Variants in PDPK1 observed in about 807,000 individuals in gnomAD.
PDPK1 encodes 3-phosphoinositide-dependent protein kinase 1.
Under a neutral mutation model 39.8 loss-of-function variants are expected in PDPK1, and 7 were observed. The observed-to-expected ratio is 0.18, with a 90% CI of 0.10 to 0.33. The LOEUF is 0.33. Ranked by LOEUF, PDPK1 falls within the 10% of genes least tolerant of loss-of-function variation. The probability of loss-of-function intolerance (pLI) is 1.00; values close to 1 mark genes in which losing one functional copy is unlikely to be tolerated. For synonymous variants in PDPK1, 118 were observed against 159.1 expected (o/e 0.74, Z 1.95); for missense variants, 182 against 384.7 (o/e 0.47, Z 4.41).
rs116219902 is a variant in PDPK1 at position 2,591,417 on chromosome 16, G to A, written c.1344-4376G>A. Among the ~76,000 whole-genome samples the A allele has an allele frequency of 8.9e-4, 136 of 152,262 alleles. 1 individual carries two copies. The highest frequency in any genetic ancestry group is 3.0e-3 in the African/African-American group (125 of 41,540). Reference sequence around the variant, plus strand: ...GTAGATTGATGGTTTTTAGTGTCACGGTGTGTGGAAATGTATTGTTACGAG... The same window carrying A: ...GTAGATTGATGGTTTTTAGTGTCACAGTGTGTGGAAATGTATTGTTACGAG... On this transcript the variant is annotated intron_variant, in intron 11 of 13. Coordinates refer to ENST00000342085, the MANE Select transcript of PDPK1 (RefSeq NM_002613.5).
intron 11 of PDPK1, among the ~76,000 whole-genome samples, chr16:2,588,200 G>T (rs993084280): frequency 6.6e-6 from 1 of 152,202 alleles, no homozygotes; most frequent in African/African-American, 2.4e-5. Context: ...CAGAGATGCT[G>T]GCAGGCAGCA....
intron 10 of PDPK1, 99 bp from the exon 11 acceptor site, chr16:2,586,577 G>C (rs1320077395): frequency 2.0e-6 from 2 of 1,008,494 alleles, no homozygotes; most frequent in Non-Finnish European, 3.0e-6. Flanking sequence ...CTGTGTGCGA[G>C]CTCCCAAGGC....
chr16:2,595,734 G>A (rs372825770), intron 11 of PDPK1, 59 bp from the exon 12 acceptor site: 68 of 1,341,416 alleles, frequency 5.1e-5, no homozygotes, highest in South Asian at 1.5e-4. Flanking sequence ...CAGGAGGAGC[G>A]TGGAGAATTT....
chr16:2,589,994 C>T (rs1333687325), intron 11 of PDPK1, among the ~76,000 whole-genome samples: 8 of 152,228 alleles, frequency 5.3e-5, no homozygotes, highest in African/African-American at 1.7e-4. Flanking sequence ...ATTCAAGATA[C>T]GACTGCAGGC....
chr16:2,597,275 G>A lies in PDPK1; in HGVS notation c.1554G>A (p.Thr518=), dbSNP rs751320393. Residue 518 remains threonine, a splice_region_variant and synonymous_variant, in exon 13 of 14, where the codon ACG becomes ACA. Transcript: ENST00000342085. This position sits in a 1 kb window ranked among gnomAD's most constrained non-coding sequence, Gnocchi z 6.3. ...AKNFKTFFVH[T]PNRTYYLMDP... The stretch of plus-strand genomic sequence containing the variant: ...ATTTTAAAACTTTCTTTGTCCACAC[G>A]GTGAGTCTGTTCCCAGGGATTTCTG... 37 of 1,579,426 alleles carry A rather than the reference G, an allele frequency of 2.3e-5. No individual in the cohort carries two copies. The highest frequency in any genetic ancestry group is 4.5e-5 in the East Asian group (2 of 44,014).
intron 10 of PDPK1, among the ~76,000 whole-genome samples, chr16:2,584,900 G>T (rs1445152337): frequency 6.6e-6 from 1 of 152,224 alleles, no homozygotes; most frequent in Non-Finnish European, 1.5e-5. Flanking sequence ...CCCACCCTGT[G>T]TGCCACTCAG....
rs558903158 is a variant in PDPK1, at chr16:2,593,246, T to C, written c.1344-2547T>C. ...TTCTTGTGTCACTGAATTCCTCTTC[T>C]GGGAATTTTTAGTTTGTGTCATTTT... On this transcript the variant is annotated intron_variant, in intron 11 of 13. Coordinates refer to ENST00000342085, the MANE Select transcript of PDPK1 (RefSeq NM_002613.5). This position sits in a 1 kb window ranked among gnomAD's most constrained non-coding sequence, Gnocchi z 4.2. 14 of 364,282 alleles carry C rather than the reference T, an allele frequency of 3.8e-5. No homozygotes were observed. The East Asian group carries it at 9.7e-4, about 25-fold the overall frequency. The allele number at this position is 364,282 out of a possible 1,614,324, so 22.6% of individuals were successfully genotyped here. A position where few individuals can be genotyped will look rare whatever the true frequency, so the allele number is the denominator to read the frequency against.
At chr16:2,587,494 A>G (rs1424487372) in intron 11 of PDPK1, among the ~76,000 whole-genome samples, 1 of 151,938 alleles carries the variant, frequency 6.6e-6, no homozygotes, top group African/African-American at 2.4e-5. Flanking sequence ...TCCTTTGACT[A>G]TTCTTTCTTG....
chr16:2,539,525 A>C (rs1435619837), intron 1 of PDPK1: 1 of 152,204 alleles, frequency 6.6e-6, no homozygotes, highest in Non-Finnish European at 1.5e-5. Flanking sequence ...TAACTACGTC[A>C]GGAGGCTCTT....
intron 1 of PDPK1, among the ~76,000 whole-genome samples, chr16:2,546,062 C>T (rs1275010159): frequency 1.3e-5 from 2 of 152,126 alleles, no homozygotes; most frequent in Admixed American, 6.5e-5. Context: ...GGCAAGAATA[C>T]TGCTTAGGAG....
chr16:2,596,985 T>A (rs1171831786), intron 12 of PDPK1, 138 bp from the exon 13 acceptor site: 2 of 506,778 alleles, frequency 3.9e-6, no homozygotes, highest in Non-Finnish European at 6.8e-6. Context: ...GGAAGTCCCC[T>A]GCCCCTGGGT....
chr16:2,573,797 A>ATT (rs71148141), intron 6 of PDPK1, among the ~76,000 whole-genome samples: 77 of 101,272 alleles, frequency 7.6e-4, no homozygotes, highest in Non-Finnish European at 1.1e-3. Context: ...TTCTGTTTTT[A>ATT]TTTTTTTTTT....
In PDPK1 at chr16:2,602,896, A is replaced by G. The variant is rs2067246959; in HGVS notation, c.*5129A>G. On this transcript the variant is annotated 3_prime_UTR_variant, in exon 14 of 14. Transcript: ENST00000342085. ...GTTGGCCTCTAGTTCAGTCTGTGTT[A>G]TTTAAATTCTAATATATGAATTATT... The G allele has an allele frequency of 8.6e-6, 2 of 232,888 alleles. No individual in the cohort carries two copies. Among genetic ancestry groups the G allele is most frequent in the Non-Finnish European group, 8.5e-6 (1 of 117,546 alleles). 14.4% of individuals were successfully genotyped at this position (232,888 alleles called of 1,614,324 possible).
chr16:2,596,971 G>A (rs112418045), intron 12 of PDPK1, 152 bp from the exon 13 acceptor site: 4 of 465,010 alleles, frequency 8.6e-6, no homozygotes, highest in African/African-American at 8.0e-5. Flanking sequence ...GGCCTGGTGG[G>A]GCAGGAAGTC....
chr16:2,577,106 A>G (rs1597050385), intron 6 of PDPK1: 1 of 503,626 alleles, frequency 2.0e-6, no homozygotes, highest in Non-Finnish European at 3.5e-6. Flanking sequence ...ACGTTTGGAT[A>G]CCCCAGGTCC....
At chr16:2,540,504 T>C (rs192070604) in intron 1 of PDPK1, among the ~76,000 whole-genome samples, 7,285 of 151,676 alleles carry the variant, frequency 0.048, 378 homozygotes, top group African/African-American at 0.16. Context: ...TCGGAGCCCC[T>C]GAGGGAGGGT....
At chr16:2,539,931 CT>C (rs1258538420) in intron 1 of PDPK1, among the ~76,000 whole-genome samples, 1 of 152,174 alleles carries the variant, frequency 6.6e-6, no homozygotes, top group Non-Finnish European at 1.5e-5. Flanking sequence ...CATGAGATGG[CT>C]TTTTTGCACA....
At chr16:2,587,882 ATTTT>A (rs2066909152) in intron 11 of PDPK1, among the ~76,000 whole-genome samples, 1 of 152,130 alleles carries the variant, frequency 6.6e-6, no homozygotes, top group Non-Finnish European at 1.5e-5. Context: ...CCCTATTTAT[ATTTT>A]ATGTTTTCCA....
chr16:2,576,706 C>G (rs1240054107), intron 6 of PDPK1: 1 of 152,714 alleles, frequency 6.5e-6, no homozygotes, highest in Non-Finnish European at 1.4e-5. Context: ...TGGCCTCGAG[C>G]AGTCCTCCTG....
Sources: gnomAD v4.1 joint callset for allele counts (sites outside exome capture counted in the v4.1 genomes callset) on GRCh38, gnomAD v4.1.1 for gene constraint, Gnocchi (gnomAD v3.1) non-coding constraint, MANE v1.5 for transcripts, NCBI Gene and HGNC (gene_info 2026-07-23, HGNC 2026-07-21) for gene names.